Variants in TGS1 observed in about 807,000 individuals in gnomAD.
TGS1 encodes trimethylguanosine synthase 1.
TGS1 carries 69 observed loss-of-function variants against 92.2 expected under a neutral mutation model. The ratio of observed to expected loss-of-function variants is 0.75; its 90% CI spans 0.62 to 0.91. The LOEUF is 0.91. TGS1 is among the 40% of genes least tolerant of loss of function. TGS1 has a pLI of 0.00. For synonymous variants in TGS1, 345 were observed against 338.1 expected (o/e 1.02, Z -0.22); for missense variants, 1,062 against 1,001.2 (o/e 1.06, Z -0.82).
intron 10 of TGS1, among the ~76,000 whole-genome samples, chr8:55,808,922 A>C (rs1803267257): frequency 6.6e-6 from 1 of 152,222 alleles, no homozygotes; most frequent in South Asian, 2.1e-4. Context: ...AGTTGAGCTA[A>C]TGACATTATG....
intron 1 of TGS1, 66 bp downstream of exon 1, chr8:55,773,785 A>C (rs894315024): frequency 7.5e-7 from 1 of 1,326,036 alleles, no homozygotes; most frequent in African/African-American, 1.5e-5. Context: ...AGGTATTGCA[A>C]ACGTGGTTGT....
In TGS1 at chr8:55,803,704, A is replaced by C. The variant is rs543888646; in HGVS notation, c.1999+1098A>C. ...TATTTTTTCTTTTCTTTTTTTTTTT[A>C]TTTTTTTTAGACAGGGTCTCACTCT... On this transcript the variant is annotated intron_variant, in intron 9 of 12. Transcript: ENST00000260129. 1.3e-3 allele frequency among the ~76,000 whole-genome samples: 130 copies of C among 99,900 alleles called. 1 individual carries two copies. The highest frequency in any genetic ancestry group is 5.9e-3 in the Middle Eastern group (1 of 170). The allele number at this position is 99,900 out of a possible 152,430, so 65.5% of individuals were successfully genotyped here.
At chr8:55,814,672 A>ATATATATAT (rs1203670071) in intron 12 of TGS1, among the ~76,000 whole-genome samples, 61 of 126,846 alleles carry the variant, frequency 4.8e-4, no homozygotes, top group African/African-American at 1.8e-3. Flanking sequence ...AAAAAAAAAA[A>ATATATATAT]AAATATATAT....
At chr8:55,821,104 A>T (rs778093475) in intron 12 of TGS1, among the ~76,000 whole-genome samples, 2 of 152,232 alleles carry the variant, frequency 1.3e-5, no homozygotes, top group Non-Finnish European at 2.9e-5. Context: ...CTAAAGTTAG[A>T]AATTATTCGT....
At chr8:55,811,500 A>C (rs1324455475) in intron 11 of TGS1, among the ~76,000 whole-genome samples, 1 of 150,214 alleles carries the variant, frequency 6.7e-6, no homozygotes, top group East Asian at 2.0e-4. Flanking sequence ...GGTGGCTCAC[A>C]CCTGTAATCC....
At chr8:55,802,337 G>T in intron 8 of TGS1, 120 bp from the exon 9 acceptor site, 1 of 745,978 alleles carries the variant, frequency 1.3e-6, no homozygotes, top group East Asian at 2.6e-5. Context: ...TTCTCTGGGC[G>T]TGTCATTATA....
chr8:55,796,069 C>A lies in TGS1; in HGVS notation c.1459C>A (p.Gln487Lys). The A allele has an allele frequency of 1.2e-6, 2 of 1,612,618 alleles. No homozygotes were observed. The highest frequency in any genetic ancestry group is 2.2e-5 in the South Asian group (2 of 91,012). ...LKSKYLDMRR[Q>K]IKMKNKHIFF... ...GTCTAAGTACCTAGACATGCGCAGA[C>A]AAATAAAGATGAAAAACAAACACAT... The change falls in exon 7 of 13, where the codon CAA (glutamine) becomes AAA (lysine). Residue 487 changes from glutamine to lysine, a missense_variant. By Grantham distance (53) the Gln-to-Lys change is moderately conservative (BLOSUM62 1). Coordinates refer to ENST00000260129, the MANE Select transcript of TGS1 (RefSeq NM_024831.8).
intron 4 of TGS1, among the ~76,000 whole-genome samples, chr8:55,788,109 C>T (rs933699891): frequency 6.6e-6 from 1 of 152,194 alleles, no homozygotes; most frequent in African/African-American, 2.4e-5. Flanking sequence ...TGGGGAGAGG[C>T]TTCTGCCAAT....
At chr8:55,785,043 C>T (rs1811667553) in intron 2 of TGS1, among the ~76,000 whole-genome samples, 1 of 151,360 alleles carries the variant, frequency 6.6e-6, no homozygotes, top group Admixed American at 6.6e-5. Flanking sequence ...ATATTACTGT[C>T]AATTGGTGTT....
intron 9 of TGS1, 84 bp from the exon 10 acceptor site, chr8:55,804,809 A>ATAT (rs1812318059): frequency 1.7e-6 from 2 of 1,147,432 alleles, no homozygotes; most frequent in Non-Finnish European, 2.5e-6. Context: ...AAAAGTATGT[A>ATAT]AGATATAGTA....
chr8:55,783,493 A>G (rs1811625719), intron 2 of TGS1, among the ~76,000 whole-genome samples: 1 of 152,160 alleles, frequency 6.6e-6, no homozygotes, highest in Non-Finnish European at 1.5e-5. Flanking sequence ...GCTGCAGGAT[A>G]AAAAAATGCT....
chr8:55,816,670 C>CATG (rs1803485598), intron 12 of TGS1, among the ~76,000 whole-genome samples: 1 of 152,102 alleles, frequency 6.6e-6, no homozygotes, highest in Non-Finnish European at 1.5e-5. Context: ...AATTCCTGGC[C>CATG]TTTGTCTGGC....
chr8:55,786,488 A>G lies in TGS1; in HGVS notation c.590A>G (p.Lys197Arg), dbSNP rs1434029971. 6.2e-7 allele frequency: 1 copy of G among 1,614,120 alleles called. No homozygotes were observed. The highest frequency in any genetic ancestry group is 1.1e-5 in the South Asian group (1 of 91,054). ...TCTCCAAAGCTAGAAATTACAGAGA[A>G]ATGGGAAAAGTATTGGAATGAATAT... is the stretch of plus-strand genomic sequence containing the variant. ...TLSPKLEITEKWEKYWNEYGG... is the reference protein window; with the variant it reads ...TLSPKLEITERWEKYWNEYGG... Residue 197 changes from lysine to arginine, a missense_variant, in exon 4 of 13, where the codon AAA becomes AGA. Coordinates refer to ENST00000260129, the MANE Select transcript of TGS1 (RefSeq NM_024831.8).
chr8:55,774,811 A>C (rs1811338713), intron 1 of TGS1, among the ~76,000 whole-genome samples: 1 of 152,220 alleles, frequency 6.6e-6, no homozygotes, highest in African/African-American at 2.4e-5. Context: ...TCCAAGGGTC[A>C]CAGAGGTTTC....
At chr8:55,802,700 C>T in intron 9 of TGS1, 94 bp downstream of exon 9, 2 of 1,241,820 alleles carry the variant, frequency 1.6e-6, no homozygotes, top group South Asian at 1.6e-5. Flanking sequence ...TTCATATCCC[C>T]TTTACCCAGA....
chr8:55,780,668 C>T (rs1160907193), intron 1 of TGS1, among the ~76,000 whole-genome samples: 1 of 152,210 alleles, frequency 6.6e-6, no homozygotes, highest in African/African-American at 2.4e-5. Flanking sequence ...CCTGAATCAG[C>T]TACCTCTGTG....
chr8:55,825,588 A>T lies in TGS1; in HGVS notation c.*885A>T, dbSNP rs1803772560. ...TATATTTTAATAATATGAGCGTGTTAAACATTAAACAGAACATGATACTGG... is the reference window on the plus strand; with the variant it reads ...TATATTTTAATAATATGAGCGTGTTTAACATTAAACAGAACATGATACTGG... On this transcript the variant is annotated 3_prime_UTR_variant, in exon 13 of 13. Coordinates refer to ENST00000260129, the MANE Select transcript of TGS1 (RefSeq NM_024831.8). 1 of 152,228 alleles carries T rather than the reference A, an allele frequency of 6.6e-6. No individual in the cohort carries two copies. The highest frequency in any genetic ancestry group is 6.5e-5 in the Admixed American group (1 of 15,276). 9.4% of individuals were successfully genotyped at this position (152,228 alleles called of 1,614,324 possible).
chr8:55,813,816 A>G (rs1162383516), intron 12 of TGS1, among the ~76,000 whole-genome samples: 4 of 151,958 alleles, frequency 2.6e-5, no homozygotes, highest in African/African-American at 9.7e-5. Context: ...TTCCTTCTAC[A>G]TTACCTCTAT....
intron 4 of TGS1, among the ~76,000 whole-genome samples, chr8:55,788,454 C>CTTTTTTTT (rs71256568): frequency 4.4e-5 from 4 of 91,100 alleles, no homozygotes; most frequent in African/African-American, 8.9e-5. Flanking sequence ...CATTTTCATC[C>CTTTTTTTT]TTTTTTTTTT....
Sources: gnomAD v4.1 joint callset for allele counts (sites outside exome capture counted in the v4.1 genomes callset) on GRCh38, gnomAD v4.1.1 for gene constraint, MANE v1.5 for transcripts, NCBI Gene and HGNC (gene_info 2026-07-23, HGNC 2026-07-21) for gene names.